Variants in BBC3 observed in about 807,000 individuals in gnomAD.
BBC3 encodes bcl-2-binding component 3.
A neutral mutation model predicts 18.2 loss-of-function variants in BBC3; 5 were observed. That is an observed-to-expected ratio of 0.27 (90% CI 0.14 to 0.58). The LOEUF is 0.58. BBC3 is among the 20% of genes least tolerant of loss of function. The pLI is 0.91. For synonymous variants in BBC3, 119 were observed against 128.0 expected, an observed-to-expected ratio of 0.93 and a Z score of 0.47; for missense variants, 224 against 268.9, an observed-to-expected ratio of 0.83 and a Z score of 1.17.
At chr19:47,229,696 C>T (rs1023463058) in intron 1 of BBC3, among the ~76,000 whole-genome samples, 3 of 151,306 alleles carry the variant, frequency 2.0e-5, no homozygotes, top group Non-Finnish European at 4.4e-5. Context: ...CCAGAGGCTG[C>T]CAGCAACACC....
At position 47,228,132 on chromosome 19, in the gene BBC3, AC is replaced by A; in HGVS notation, c.274+25del. The A allele has an allele frequency of 8.4e-7, 1 of 1,191,376 alleles. No individual in the cohort carries two copies. The highest frequency in any genetic ancestry group is 4.4e-5 in the Admixed American group (1 of 22,914). The allele number at this position is 1,191,376 out of a possible 1,614,324, so 73.8% of individuals were successfully genotyped here. On this transcript the variant is annotated intron_variant, in intron 2 of 3. Coordinates refer to ENST00000439096, the MANE Select transcript of BBC3 (RefSeq NM_014417.5). This position sits in a 1 kb window ranked among gnomAD's most constrained non-coding sequence, Gnocchi z 5.5. ...GCCCTCTCTCTTCCCGGCTCCTATC[AC>A]CCCGGGGGCGGGGCGGGCACTCACC...
upstream of BBC3, among the ~76,000 whole-genome samples, chr19:47,231,807 A>G (rs2058918336): frequency 6.6e-6 from 1 of 152,170 alleles, no homozygotes; most frequent in African/African-American, 2.4e-5. This position sits in a 1 kb window ranked among gnomAD's most constrained non-coding sequence, Gnocchi z 4.0. Flanking sequence ...ACCTGGGCCC[A>G]CAAACTGTGT....
chr19:47,222,992 C>T (rs1409801055), intron 3 of BBC3, among the ~76,000 whole-genome samples: 9 of 148,452 alleles, frequency 6.1e-5, no homozygotes, highest in Non-Finnish European at 1.2e-4. Context: ...AAATACAGGC[C>T]GGGTGCGGTG....
At position 47,228,559 on chromosome 19, in the gene BBC3, G is replaced by T; in HGVS notation, c.-15-113C>A. 2 of 1,057,008 alleles carry T rather than the reference G, an allele frequency of 1.9e-6. No individual in the cohort carries two copies. The highest frequency in any genetic ancestry group is 2.4e-6 in the Non-Finnish European group (2 of 831,202). The allele number at this position is 1,057,008 out of a possible 1,614,324, so 65.5% of individuals were successfully genotyped here. A position where few individuals can be genotyped will look rare whatever the true frequency, so the allele number is the denominator to read the frequency against. On this transcript the variant is annotated intron_variant, in intron 1 of 3. Coordinates refer to ENST00000439096, the MANE Select transcript of BBC3 (RefSeq NM_014417.5). This position sits in a 1 kb window ranked among gnomAD's most constrained non-coding sequence, Gnocchi z 5.5. The stretch of plus-strand genomic sequence containing the variant: ...GAGAAGAGTGGAGGTGTGTGTGCAT[G>T]CGGAGGGGGTGACGGCCCCACAGAG...
chr19:47,231,091 G>A lies in BBC3; in HGVS notation c.-178C>T. ...GGCGGCTGCTGTGGCTGTGGCTGCT[G>A]CTGCTCCCCGGGCCGCAGGCGCGTC... is the stretch of plus-strand genomic sequence containing the variant. On this transcript the variant is annotated 5_prime_UTR_variant, in exon 1 of 4. Coordinates refer to ENST00000439096, the MANE Select transcript of BBC3 (RefSeq NM_014417.5). This position sits in a 1 kb window ranked among gnomAD's most constrained non-coding sequence, Gnocchi z 4.0. 1.0e-6 allele frequency: 1 copy of A among 970,612 alleles called. No homozygotes were observed. Among genetic ancestry groups the A allele is most frequent in the Non-Finnish European group, 1.2e-6 (1 of 815,824 alleles). 60.1% of individuals were successfully genotyped at this position (970,612 alleles called of 1,614,324 possible).
At chr19:47,232,707 G>A (rs572015643), upstream of BBC3, 4 of 1,043,024 alleles carry the variant, frequency 3.8e-6, no homozygotes, top group South Asian at 6.5e-5. Flanking sequence ...CAAAGCCGTG[G>A]ATTCCTGTCT....
chr19:47,230,560 G>C lies in BBC3; in HGVS notation c.-16+369C>G, dbSNP rs1322825203. The stretch of plus-strand genomic sequence containing the variant: ...CGCCCCCAGCGGGCGCGCGCCCTGG[G>C]TGTGGCCGCCCCTCCGTGCCGCCCC... On this transcript the variant is annotated intron_variant, in intron 1 of 3. Coordinates refer to ENST00000439096, the MANE Select transcript of BBC3 (RefSeq NM_014417.5). This position sits in a 1 kb window ranked among gnomAD's most constrained non-coding sequence, Gnocchi z 6.7. 6.6e-6 allele frequency among the ~76,000 whole-genome samples: 1 copy of C among 151,122 alleles called. No homozygotes were observed. Among genetic ancestry groups the C allele is most frequent in the Non-Finnish European group, 1.5e-5 (1 of 67,696 alleles).
At position 47,228,906 on chromosome 19, in the gene BBC3, T is replaced by G. The variant is rs1346878154; in HGVS notation, c.-15-460A>C. ...ACACACACAAGGACTCACACGGGAC[T>G]GGCCAGCCTGACCGCCCACCCCACC... is the stretch of plus-strand genomic sequence containing the variant. On this transcript the variant is annotated intron_variant, in intron 1 of 3. Transcript: ENST00000439096. The surrounding 1 kb of genome is among the most constrained non-coding windows in gnomAD (Gnocchi z 5.5). Among the ~76,000 whole-genome samples the G allele has an allele frequency of 6.6e-6, 1 of 151,886 alleles. No homozygotes were observed. Among genetic ancestry groups the G allele is most frequent in the Non-Finnish European group, 1.5e-5 (1 of 67,956 alleles).
chr19:47,226,767 GA>G lies in BBC3; in HGVS notation c.275-14del. 1.4e-6 allele frequency: 2 copies of G among 1,386,034 alleles called. No homozygotes were observed. Among genetic ancestry groups the G allele is most frequent in the African/African-American group, 1.5e-5 (1 of 65,432 alleles). 85.9% of individuals were successfully genotyped at this position (1,386,034 alleles called of 1,614,324 possible). A position where few individuals can be genotyped will look rare whatever the true frequency, so the allele number is the denominator to read the frequency against. The stretch of plus-strand genomic sequence containing the variant: ...GAGGGCTGAGGACCTTGGAGAGGCA[GA>G]GGGGCGCGGTCAGCACCCACCACCC... On this transcript the variant is annotated splice_polypyrimidine_tract_variant and intron_variant, in intron 2 of 3. Coordinates refer to ENST00000439096, the MANE Select transcript of BBC3 (RefSeq NM_014417.5).
intron 3 of BBC3, among the ~76,000 whole-genome samples, chr19:47,226,103 C>T (rs2123373164): frequency 6.6e-6 from 1 of 152,014 alleles, no homozygotes; most frequent in African/African-American, 2.4e-5. Context: ...TCCCGCGGGG[C>T]GGGGCTGCGA....
rs533069381 is a variant in BBC3 at position 47,221,651 on chromosome 19, T to G, written c.*151A>C. 1.8e-5 allele frequency: 27 copies of G among 1,473,838 alleles called. No homozygotes were observed. The South Asian group carries it at 2.1e-4, about 12-fold the overall frequency. The allele number at this position is 1,473,838 out of a possible 1,614,324, so 91.3% of individuals were successfully genotyped here. A position where few individuals can be genotyped will look rare whatever the true frequency, so the allele number is the denominator to read the frequency against. Reference sequence around the variant, plus strand: ...ACCCCAGGCTGGGCTGGGGCTGGAGTGGCTGCCCCGGCCCGCCCCCGGGAC... The same window carrying G: ...ACCCCAGGCTGGGCTGGGGCTGGAGGGGCTGCCCCGGCCCGCCCCCGGGAC... On this transcript the variant is annotated 3_prime_UTR_variant, in exon 4 of 4. Coordinates refer to ENST00000439096, the MANE Select transcript of BBC3 (RefSeq NM_014417.5).
At position 47,228,919 on chromosome 19, in the gene BBC3, C is replaced by T. The variant is rs930145057; in HGVS notation, c.-15-473G>A. Among the ~76,000 whole-genome samples, 2 of 151,998 alleles carry T rather than the reference C, an allele frequency of 1.3e-5. No homozygotes were observed. The highest frequency in any genetic ancestry group is 4.8e-5 in the African/African-American group (2 of 41,348). ...CTCACACGGGACTGGCCAGCCTGAC[C>T]GCCCACCCCACCTCCCACTTGCACA... On this transcript the variant is annotated intron_variant, in intron 1 of 3. Transcript: ENST00000439096. This position sits in a 1 kb window ranked among gnomAD's most constrained non-coding sequence, Gnocchi z 5.5.
At chr19:47,231,331 G>A (rs2123401875), upstream of BBC3, 1 of 486,190 alleles carries the variant, frequency 2.1e-6, no homozygotes, top group East Asian at 1.5e-4. The surrounding 1 kb of genome is among the most constrained non-coding windows in gnomAD (Gnocchi z 4.0). Context: ...GACAAGTCAG[G>A]ACTTGCAGGC....
Position 47,228,392 on chromosome 19 carries a change from C to T in BBC3, c.40G>A (p.Val14Ile), listed in dbSNP as rs2058865420. ...GGGCCGTCGCGGGCCAGGCCCTCTA[C>T]GGGCTCCGGGGAGCTGCCCTCCTGG... ...ARQEGSSPEP[V>I]EGLARDGPRP... The change falls in exon 2 of 4, where the codon GTA becomes ATA. Residue 14 changes from valine to isoleucine, a missense_variant. By Grantham distance (29) the Val-to-Ile change is conservative. Transcript: ENST00000439096. This position sits in a 1 kb window ranked among gnomAD's most constrained non-coding sequence, Gnocchi z 5.5. 3 of 1,231,766 alleles carry T rather than the reference C, an allele frequency of 2.4e-6. No individual in the cohort carries two copies. Among genetic ancestry groups the T allele is most frequent in the Admixed American group, 4.2e-5 (1 of 23,688 alleles). The allele number at this position is 1,231,766 out of a possible 1,614,324, so 76.3% of individuals were successfully genotyped here.
chr19:47,225,660 C>T (rs927354191), intron 3 of BBC3, among the ~76,000 whole-genome samples: 8 of 152,078 alleles, frequency 5.3e-5, no homozygotes, highest in African/African-American at 1.9e-4. Context: ...CCTGGCTGAA[C>T]ATAGATGAAT....
chr19:47,226,248 G>A (rs2058817271), intron 3 of BBC3, among the ~76,000 whole-genome samples: 1 of 151,650 alleles, frequency 6.6e-6, no homozygotes, highest in African/African-American at 2.4e-5. Flanking sequence ...CGGGATATAT[G>A]AGCCGCGCCG....
Position 47,221,571 on chromosome 19 carries a change from G to T in BBC3, c.*231C>A. ...CCTTCCGATGCTGAGTCCATCAGCCGTCCCTCTCCTGGCTTCTTGGCCAGG... is the reference window on the plus strand; with the variant it reads ...CCTTCCGATGCTGAGTCCATCAGCCTTCCCTCTCCTGGCTTCTTGGCCAGG... On this transcript the variant is annotated 3_prime_UTR_variant, in exon 4 of 4. Coordinates refer to ENST00000439096, the MANE Select transcript of BBC3 (RefSeq NM_014417.5). The T allele has an allele frequency of 1.2e-6, 1 of 855,680 alleles. No homozygotes were observed. The highest frequency in any genetic ancestry group is 1.8e-6 in the Non-Finnish European group (1 of 570,740). The allele number at this position is 855,680 out of a possible 1,614,324, so 53.0% of individuals were successfully genotyped here. A position where few individuals can be genotyped will look rare whatever the true frequency, so the allele number is the denominator to read the frequency against.
At chr19:47,232,642 C>T (rs1255239843), upstream of BBC3, 5 of 1,502,494 alleles carry the variant, frequency 3.3e-6, no homozygotes, top group Non-Finnish European at 4.5e-6. Context: ...TTTTCAGTTT[C>T]TCATTGTTAC....
In BBC3 at chr19:47,230,626, G is replaced by T; in HGVS notation, c.-16+303C>A. 2 of 726,954 alleles carry T rather than the reference G, an allele frequency of 2.8e-6. No individual in the cohort carries two copies. Among genetic ancestry groups the T allele is most frequent in the Non-Finnish European group, 3.4e-6 (2 of 594,204 alleles). The allele number at this position is 726,954 out of a possible 1,614,324, so 45.0% of individuals were successfully genotyped here. On this transcript the variant is annotated intron_variant, in intron 1 of 3. Coordinates refer to ENST00000439096, the MANE Select transcript of BBC3 (RefSeq NM_014417.5). The surrounding 1 kb of genome is among the most constrained non-coding windows in gnomAD (Gnocchi z 6.7). ...CTTTGGGGGCTGGGGCACCCCTGGG[G>T]TCGACCCTCTTCCCCGGGGCCGCAC...
Sources: allele counts gnomAD v4.1 joint callset (sites outside exome capture counted in the v4.1 genomes callset), GRCh38; gene constraint gnomAD v4.1.1; non-coding constraint Gnocchi (gnomAD v3.1); transcripts MANE v1.5; gene names NCBI Gene and HGNC (gene_info 2026-07-23, HGNC 2026-07-21).